Variants in NUMA1 observed in about 807,000 individuals in gnomAD.
The protein encoded by NUMA1 is SP-H antigen.
In NUMA1, 62 loss-of-function variants were observed where a neutral mutation model predicts 237.1. The observed-to-expected ratio is 0.26, with a 90% CI of 0.21 to 0.32. NUMA1 has a LOEUF of 0.32. Ranked by LOEUF, NUMA1 falls within the 10% of genes least tolerant of loss-of-function variation. The pLI is 1.00. For missense variants in NUMA1, 2,533 were observed against 2,666.5 expected, an observed-to-expected ratio of 0.95 and a Z score of 1.10; for synonymous variants, 1,028 against 1,066.1, an observed-to-expected ratio of 0.96 and a Z score of 0.70.
At position 72,008,676 on chromosome 11, in the gene NUMA1, C is replaced by T; in HGVS notation, c.5216+12G>A. The T allele has an allele frequency of 6.2e-7, 1 of 1,614,050 alleles. No homozygotes were observed. The highest frequency in any genetic ancestry group is 1.3e-5 in the African/African-American group (1 of 75,048). ...CCATAAACAGACATAGGGAGGAAGG[C>T]TGCCTCCTGACCTGGTGATACTGAG... On this transcript the variant is annotated intron_variant, in intron 20 of 26. Transcript: ENST00000393695.
chr11:72,017,449 C>T (rs1469075631), intron 13 of NUMA1: 3 of 550,070 alleles, frequency 5.5e-6, no homozygotes, highest in Non-Finnish European at 9.9e-6. Context: ...TTGTGAACAG[C>T]AGAGATAGGA....
chr11:72,035,405 C>G (rs1427025274), intron 3 of NUMA1, among the ~76,000 whole-genome samples: 2 of 151,578 alleles, frequency 1.3e-5, no homozygotes, highest in African/African-American at 4.8e-5. Context: ...TACCACCCCC[C>G]CTTTTTTTTT....
At chr11:72,035,690 C>A (rs981516847) in intron 3 of NUMA1, among the ~76,000 whole-genome samples, 2 of 152,124 alleles carry the variant, frequency 1.3e-5, no homozygotes, top group Non-Finnish European at 2.9e-5. Flanking sequence ...GGATTACAGG[C>A]ATAAGCTCCG....
In NUMA1 at chr11:72,013,275, T is replaced by C; in HGVS notation, c.4228A>G (p.Ile1410Val). The C allele has an allele frequency of 2.5e-6, 4 of 1,604,640 alleles. No homozygotes were observed. The highest frequency in any genetic ancestry group is 3.4e-6 in the Non-Finnish European group (4 of 1,179,794). Residue 1410 changes from isoleucine (I) to valine (V), a missense_variant, in exon 15 of 27, where the codon ATT becomes GTT. Around this residue, in one of 3 missense-constraint regions of NUMA1, gnomAD observed 324 missense variants for 407.6 expected, o/e 0.79. Transcript: ENST00000393695. This position sits in a 1 kb window ranked among gnomAD's most constrained non-coding sequence, Gnocchi z 6.8. ...LRAQRELGEL[I>V]PLRQKVAEQE... ...TCTGCCACCTTCTGCCGCAGAGGAA[T>C]CAGCTCCCCAAGCTCCCGCTGGGCC...
In NUMA1 at chr11:72,014,060, C is replaced by T. The variant is rs769396901; in HGVS notation, c.3443G>A (p.Arg1148His). ...GGAGGCCCGCTCAGCCTCGAGGCTG[C>T]GTTCCAGGCTGTCAGCCTGCTCCTG... ...KQQEQADSLE[R>H]SLEAERASRA... is the part of the protein sequence containing the mutation. The change falls in exon 15 of 27, where the codon CGC becomes CAC. Residue 1148 changes from arginine to histidine, a missense_variant. By Grantham distance (29) the Arg-to-His change is conservative (BLOSUM62 0). Transcript: ENST00000393695. This position sits in a 1 kb window ranked among gnomAD's most constrained non-coding sequence, Gnocchi z 4.6. The T allele has an allele frequency of 5.1e-5, 82 of 1,610,666 alleles. No homozygotes were observed. Among genetic ancestry groups the T allele is most frequent in the South Asian group, 5.5e-5 (5 of 91,084 alleles).
intron 2 of NUMA1, chr11:72,065,249 G>C (rs972971211): frequency 1.1e-4 from 16 of 152,070 alleles, no homozygotes; most frequent in African/African-American, 3.9e-4. Flanking sequence ...AATAAATAAT[G>C]GTTACTTCTG....
intron 24 of NUMA1, 113 bp from the exon 25 acceptor site, chr11:72,004,454 CCCCTTCCCAACTCTGGGCCAGATCCTT>C (rs1814498571): frequency 8.2e-7 from 1 of 1,221,638 alleles, no homozygotes. Context: ...GCAACCTGCT[CCCCTTCCCAACTCTGGGCCAGATCCTT>C]CCCTTCCCAA....
In NUMA1 at chr11:72,012,998, G is replaced by C; in HGVS notation, c.4505C>G (p.Ala1502Gly). 1 of 1,614,076 alleles carries C rather than the reference G, an allele frequency of 6.2e-7. No individual in the cohort carries two copies. The part of the protein sequence containing the change: ...AEVQREAQST[A>G]RELEVMTAKY... ...GGCAGTCATCACCTCCAGCTCCCGG[G>C]CAGTGCTCTGTGCTTCTCGCTGCAC... Residue 1502 changes from alanine to glycine, a missense_variant, in exon 15 of 27, where the codon GCC becomes GGC. Coordinates refer to ENST00000393695, the MANE Select transcript of NUMA1 (RefSeq NM_006185.4).
chr11:72,008,204 C>T, intron 20 of NUMA1: 1 of 457,720 alleles, frequency 2.2e-6, no homozygotes, highest in East Asian at 5.6e-5. Flanking sequence ...GTCTTAACTT[C>T]TATACTAGCT....
At chr11:72,049,165 A>G (rs1455882686) in intron 2 of NUMA1, among the ~76,000 whole-genome samples, 3 of 152,208 alleles carry the variant, frequency 2.0e-5, no homozygotes, top group South Asian at 2.1e-4. Flanking sequence ...CTGTCCCTAC[A>G]GGCAACATAT....
In NUMA1 at chr11:72,018,305, G is replaced by T; in HGVS notation, c.861-5C>A. The T allele has an allele frequency of 6.2e-7, 1 of 1,612,408 alleles. No homozygotes were observed. The highest frequency in any genetic ancestry group is 8.5e-7 in the Non-Finnish European group (1 of 1,178,406). On this transcript the variant is annotated splice_region_variant and splice_polypyrimidine_tract_variant and intron_variant, in intron 11 of 26. Coordinates refer to ENST00000393695, the MANE Select transcript of NUMA1 (RefSeq NM_006185.4). ...TCATGCAGCCGCATGGTAAGGCTGC[G>T]AGGGAGGGAAGCAGTGAGAAGAGAG...
chr11:72,039,072 G>A (rs561522668), intron 2 of NUMA1, among the ~76,000 whole-genome samples: 9 of 152,278 alleles, frequency 5.9e-5, no homozygotes, highest in African/African-American at 1.7e-4. Context: ...CACATTTACA[G>A]TAACCCCTGT....
chr11:72,024,253 C>T, intron 5 of NUMA1, 21 bp downstream of exon 5: 3 of 1,611,254 alleles, frequency 1.9e-6, no homozygotes, highest in Non-Finnish European at 2.5e-6. Context: ...TTCTTCATAG[C>T]TGGATAAGAA....
chr11:72,047,781 C>T (rs1942084437), intron 2 of NUMA1: 1 of 152,178 alleles, frequency 6.6e-6, no homozygotes, highest in Non-Finnish European at 1.5e-5. Flanking sequence ...ATAGTCTTTA[C>T]TATGCCAGGA....
At chr11:72,043,547 T>C (rs79781460) in intron 2 of NUMA1, among the ~76,000 whole-genome samples, 3 of 149,166 alleles carry the variant, frequency 2.0e-5, no homozygotes, top group Non-Finnish European at 4.5e-5. Flanking sequence ...TTTTTTTTTT[T>C]CTGTAGAGAC....
intron 2 of NUMA1, among the ~76,000 whole-genome samples, chr11:72,061,429 G>C (rs942336430): frequency 6.6e-6 from 1 of 151,636 alleles, no homozygotes. Context: ...TTTACTTATG[G>C]GTTGCAACAC....
At chr11:72,049,583 AGT>A (rs1555034475) in intron 2 of NUMA1, 11 of 22,554 alleles carry the variant, frequency 4.9e-4, no homozygotes, top group African/African-American at 1.1e-3. Flanking sequence ...ATATATATAT[AGT>A]GTGTGTGTGT....
chr11:72,047,606 G>A (rs1309082812), intron 2 of NUMA1, among the ~76,000 whole-genome samples: 2 of 152,180 alleles, frequency 1.3e-5, no homozygotes, highest in African/African-American at 4.8e-5. Flanking sequence ...ATGACCTGCA[G>A]CTTCTAGAGT....
At chr11:72,003,826 G>A (rs1006343613) in intron 26 of NUMA1, 61 bp downstream of exon 26, 21 of 1,547,672 alleles carry the variant, frequency 1.4e-5, no homozygotes, top group East Asian at 6.8e-5. Flanking sequence ...TTGGTGGGGC[G>A]GTCTGGGGGG....
Sources: gnomAD v4.1 joint callset for allele counts (sites outside exome capture counted in the v4.1 genomes callset) on GRCh38, gnomAD v4.1.1 for gene constraint, gnomAD v4.1.1 regional missense constraint, Gnocchi (gnomAD v3.1) non-coding constraint, MANE v1.5 for transcripts, NCBI Gene and HGNC (gene_info 2026-07-23, HGNC 2026-07-21) for gene names.